SMAD7: variants seen among roughly 807,000 people sequenced by gnomAD.
The protein encoded by SMAD7 is SMAD family member 7, also known as MAD (mothers against decapentaplegic, Drosophila) homolog 7.
SMAD7 carries 8 observed loss-of-function variants against 38.7 expected under a neutral mutation model. The observed-to-expected ratio is 0.21, with a 90% CI of 0.12 to 0.37. SMAD7 has a LOEUF of 0.37. SMAD7 is among the 10% of genes least tolerant of loss of function. The pLI, the probability that SMAD7 is intolerant of heterozygous loss-of-function variation, is 1.00. For missense variants in SMAD7, 477 were observed against 577.9 expected (o/e 0.83, Z 1.79); for synonymous variants, 327 against 265.1 (o/e 1.23, Z -2.27).
chr18:48,926,174 A>G (rs2069925929), intron 3 of SMAD7, among the ~76,000 whole-genome samples: 1 of 152,248 alleles, frequency 6.6e-6, no homozygotes. Context: ...GCAGAGAGGC[A>G]GAGCAGCTCC....
At position 48,921,771 on chromosome 18, in the gene SMAD7, A is replaced by G. The variant is rs1279178533; in HGVS notation, c.882T>C (p.Asn294=). 3 of 1,614,228 alleles carry G rather than the reference A, an allele frequency of 1.9e-6. No homozygotes were observed. Among genetic ancestry groups the G allele is most frequent in the Admixed American group, 3.3e-5 (2 of 60,030 alleles). The change falls in exon 4 of 4, where the codon AAT becomes AAC. Residue 294 remains asparagine, a synonymous_variant. Coordinates refer to ENST00000262158, the MANE Select transcript of SMAD7 (RefSeq NM_005904.4). This position sits in a 1 kb window ranked among gnomAD's most constrained non-coding sequence, Gnocchi z 6.4. ...AATTGAGCTGTCCGAGGCAAAAGCC[A>G]TTCCCCTGAGGTAGATCATAGAAGA... ...LDIFYDLPQG[N]GFCLGQLNSD... is the part of the protein sequence containing the mutation.
At chr18:48,934,014 C>A (rs144133284) in intron 3 of SMAD7, among the ~76,000 whole-genome samples, 192 of 152,306 alleles carry the variant, frequency 1.3e-3, no homozygotes, top group African/African-American at 4.5e-3. Context: ...TCCTTGGCAG[C>A]ACGGGCCGGG....
At chr18:48,944,053 T>C (rs1478732519) in intron 2 of SMAD7, among the ~76,000 whole-genome samples, 1 of 152,194 alleles carries the variant, frequency 6.6e-6, no homozygotes, top group Non-Finnish European at 1.5e-5. Flanking sequence ...CTAACAGGAA[T>C]ATACAGTTTT....
chr18:48,927,677 C>T (rs992543793), intron 3 of SMAD7, among the ~76,000 whole-genome samples: 2 of 152,188 alleles, frequency 1.3e-5, no homozygotes, highest in African/African-American at 4.8e-5. Context: ...GTGCTGCACA[C>T]ACGTTGGTCT....
In SMAD7 at chr18:48,950,034, G is replaced by T; in HGVS notation, c.391C>A (p.Arg131Ser). The T allele has an allele frequency of 1.1e-5, 16 of 1,457,310 alleles. 1 individual carries two copies. Among genetic ancestry groups the T allele is most frequent in the Non-Finnish European group, 1.4e-5 (16 of 1,107,952 alleles). 90.3% of individuals were successfully genotyped at this position (1,457,310 alleles called of 1,614,324 possible). Residue 131 changes from arginine (R) to serine (S), a missense_variant, in exon 1 of 4, where the codon CGC becomes AGC. Around this residue, in one of 2 missense-constraint regions of SMAD7, gnomAD observed 376 missense variants for 379.4 expected, o/e 0.99. Transcript: ENST00000262158. The part of the protein sequence containing the change: ...TRTACLLLPG[R>S]LDCRLGPGAP... ...CCCGGGCCCAGCCTGCAGTCCAGGC[G>T]GCCGGGCAGCAGGAGGCACGCGGTG...
At chr18:48,930,589 C>G (rs779247954) in intron 3 of SMAD7, among the ~76,000 whole-genome samples, 7 of 152,082 alleles carry the variant, frequency 4.6e-5, no homozygotes, top group Non-Finnish European at 8.8e-5. Flanking sequence ...AGCAGCCCAG[C>G]ACTGCCCCTC....
chr18:48,946,374 C>G (rs531963221), intron 2 of SMAD7, among the ~76,000 whole-genome samples: 1 of 151,102 alleles, frequency 6.6e-6, no homozygotes, highest in South Asian at 2.1e-4. Context: ...GTGGTCTGAC[C>G]TCAATGCCCC....
intron 2 of SMAD7, among the ~76,000 whole-genome samples, chr18:48,948,134 C>T (rs1413331326): frequency 1.3e-5 from 2 of 152,174 alleles, no homozygotes; most frequent in Non-Finnish European, 2.9e-5. Flanking sequence ...AAAGCTGAGC[C>T]CACCGGCTAC....
At chr18:48,934,910 C>T (rs749416384) in intron 3 of SMAD7, among the ~76,000 whole-genome samples, 1 of 152,174 alleles carries the variant, frequency 6.6e-6, no homozygotes, top group Non-Finnish European at 1.5e-5. Context: ...TTCCTGTTAA[C>T]TTACAAGGTG....
chr18:48,925,586 A>C (rs1299586530), intron 3 of SMAD7, among the ~76,000 whole-genome samples: 2 of 152,092 alleles, frequency 1.3e-5, no homozygotes, highest in Non-Finnish European at 2.9e-5. Flanking sequence ...ACTCTTACAA[A>C]GAGTTATTTA....
chr18:48,936,095 C>T (rs926281425), intron 3 of SMAD7, among the ~76,000 whole-genome samples: 5 of 29,712 alleles, frequency 1.7e-4, no homozygotes, highest in African/African-American at 3.8e-4. Flanking sequence ...CACACACACA[C>T]ACACACACAC....
rs757895497 is a variant in SMAD7 at position 48,921,682 on chromosome 18, G to C, written c.971C>G (p.Thr324Arg). ...RSKIGCGIQL[T>R]REVDGVWVYN... ...CACCCACACACCATCCACCTCCCGC[G>C]TCAGCTGGATGCCGCAGCCGATTTT... Residue 324 changes from threonine (T) to arginine (R), a missense_variant, in exon 4 of 4, where the codon ACG becomes AGG. Around this residue, in one of 2 missense-constraint regions of SMAD7, gnomAD observed 101 missense variants for 198.5 expected, o/e 0.51. Coordinates refer to ENST00000262158, the MANE Select transcript of SMAD7 (RefSeq NM_005904.4). This position sits in a 1 kb window ranked among gnomAD's most constrained non-coding sequence, Gnocchi z 6.4. 6.2e-7 allele frequency: 1 copy of C among 1,613,016 alleles called. No individual in the cohort carries two copies. Among genetic ancestry groups the C allele is most frequent in the East Asian group, 2.2e-5 (1 of 44,886 alleles).
At chr18:48,936,872 G>A (rs1189345521) in intron 3 of SMAD7, among the ~76,000 whole-genome samples, 1 of 152,144 alleles carries the variant, frequency 6.6e-6, no homozygotes, top group African/African-American at 2.4e-5. Flanking sequence ...CTGAGGTCAG[G>A]AGTTCAAGAC....
rs781763103 is a variant in SMAD7, at chr18:48,921,684, C to A, written c.969G>T (p.Leu323=). 3.1e-6 allele frequency: 5 copies of A among 1,612,894 alleles called. No individual in the cohort carries two copies. The highest frequency in any genetic ancestry group is 4.2e-6 in the Non-Finnish European group (5 of 1,179,528). Residue 323 remains leucine, a synonymous_variant, in exon 4 of 4, where the codon CTG becomes CTT. Coordinates refer to ENST00000262158, the MANE Select transcript of SMAD7 (RefSeq NM_005904.4). The surrounding 1 kb of genome is among the most constrained non-coding windows in gnomAD (Gnocchi z 6.4). ...VRSKIGCGIQ[L]TREVDGVWVY... ...CCCACACACCATCCACCTCCCGCGTCAGCTGGATGCCGCAGCCGATTTTGC... is the reference window on the plus strand; with the variant it reads ...CCCACACACCATCCACCTCCCGCGTAAGCTGGATGCCGCAGCCGATTTTGC...
intron 3 of SMAD7, among the ~76,000 whole-genome samples, chr18:48,925,270 A>C (rs2069911877): frequency 6.6e-6 from 1 of 152,220 alleles, no homozygotes; most frequent in African/African-American, 2.4e-5. Flanking sequence ...TTGTTTTAAA[A>C]CAGTATGTGT....
intron 3 of SMAD7, among the ~76,000 whole-genome samples, chr18:48,929,598 C>CACACACACACACACACGT (rs59398220): frequency 6.6e-6 from 1 of 150,484 alleles, no homozygotes; most frequent in African/African-American, 2.5e-5. Flanking sequence ...CACACACACA[C>CACACACACACACACACGT]GTTAAAGCAT....
chr18:48,938,670 C>A (rs2070099466), intron 3 of SMAD7, among the ~76,000 whole-genome samples: 1 of 152,182 alleles, frequency 6.6e-6, no homozygotes, highest in South Asian at 2.1e-4. Flanking sequence ...ACCAGGACAG[C>A]AGACAGGCAA....
intron 3 of SMAD7, among the ~76,000 whole-genome samples, chr18:48,937,322 A>G (rs2070081724): frequency 7.3e-6 from 1 of 136,660 alleles, no homozygotes; most frequent in Non-Finnish European, 1.6e-5. Flanking sequence ...AGTGAGGGGC[A>G]ATCAGCATGC....
intron 3 of SMAD7, among the ~76,000 whole-genome samples, chr18:48,933,155 C>T (rs1205613524): frequency 1.3e-5 from 2 of 152,194 alleles, no homozygotes; most frequent in East Asian, 3.8e-4. Flanking sequence ...ACAAGCTTTG[C>T]TTTATCTCAA....
Sources: gnomAD v4.1 joint callset for allele counts (sites outside exome capture counted in the v4.1 genomes callset) on GRCh38, gnomAD v4.1.1 for gene constraint, gnomAD v4.1.1 regional missense constraint, Gnocchi (gnomAD v3.1) non-coding constraint, MANE v1.5 for transcripts, NCBI Gene and HGNC (gene_info 2026-07-23, HGNC 2026-07-21) for gene names.